Variants in PCDH11X observed in about 807,000 individuals in gnomAD.
PCDH11X encodes protocadherin-11 X-linked.
PCDH11X carries 18 observed loss-of-function variants against 53.3 expected under a neutral mutation model. The ratio of observed to expected loss-of-function variants is 0.34; its 90% CI spans 0.23 to 0.50. PCDH11X has a LOEUF of 0.50. PCDH11X is among the 20% of genes least tolerant of loss of function. PCDH11X has a pLI of 0.98. For missense variants in PCDH11X, 570 were observed against 1,032.4 expected, an observed-to-expected ratio of 0.55 and a Z score of 6.14; for synonymous variants, 279 against 393.3, an observed-to-expected ratio of 0.71 and a Z score of 3.44.
intron 5 of PCDH11X, among the ~76,000 whole-genome samples, chrX:91,876,308 A>G (rs1044491476): frequency 1.5e-4 from 17 of 110,394 alleles, no homozygotes; most frequent in African/African-American, 5.6e-4. Flanking sequence ...ACAAATCACC[A>G]CTAAAGAATT....
At chrX:92,016,518 A>G (rs1249871253) in intron 6 of PCDH11X, among the ~76,000 whole-genome samples, 1 of 111,178 alleles carries the variant, frequency 9.0e-6, no homozygotes, top group Non-Finnish European at 1.9e-5. Flanking sequence ...CTTTATAAGC[A>G]CCTGCTGCAC....
chrX:92,222,930 A>G (rs953148471), intron 7 of PCDH11X, among the ~76,000 whole-genome samples: 2 of 112,187 alleles, frequency 1.8e-5, no homozygotes, highest in Non-Finnish European at 3.8e-5. Flanking sequence ...TTTCATGCCT[A>G]TCCATGTTTT....
chrX:92,376,955 A>G (rs1275619704), intron 8 of PCDH11X, among the ~76,000 whole-genome samples: 2 of 111,735 alleles, frequency 1.8e-5, no homozygotes, highest in Non-Finnish European at 3.8e-5. Flanking sequence ...TTTTAAAAAC[A>G]GATAATTTTC....
intron 6 of PCDH11X, among the ~76,000 whole-genome samples, chrX:92,175,807 G>T (rs866303363): frequency 1.7e-5 from 1 of 57,883 alleles, no homozygotes; most frequent in Non-Finnish European, 3.7e-5. Flanking sequence ...CACACACAGA[G>T]AGAGAGAGAG....
At chrX:92,141,278 ATGTTATTTACCTAAG>A (rs2065174762) in intron 6 of PCDH11X, among the ~76,000 whole-genome samples, 1 of 111,580 alleles carries the variant, frequency 9.0e-6, no homozygotes, top group African/African-American at 3.2e-5. Flanking sequence ...TTCATTGTTT[ATGTTATTTACCTAAG>A]TGTTAACATT....
intron 8 of PCDH11X, among the ~76,000 whole-genome samples, chrX:92,299,777 T>C (rs1435548247): frequency 9.0e-6 from 1 of 111,218 alleles, no homozygotes; most frequent in Non-Finnish European, 1.9e-5. Context: ...TTCATTAATG[T>C]TTTTTATGGT....
intron 7 of PCDH11X, among the ~76,000 whole-genome samples, chrX:92,238,555 A>G (rs2067210296): frequency 9.0e-6 from 1 of 111,267 alleles, no homozygotes; most frequent in African/African-American, 3.3e-5. Context: ...TAATATAGGT[A>G]ACACAAGGTC....
chrX:92,235,421 G>A (rs940938115), intron 7 of PCDH11X, among the ~76,000 whole-genome samples: 4 of 111,153 alleles, frequency 3.6e-5, no homozygotes, highest in Admixed American at 1.9e-4. Flanking sequence ...TAAAGGTGGT[G>A]TAGTATAAAT....
At chrX:92,096,438 ATGTG>A (rs10591250) in intron 6 of PCDH11X, among the ~76,000 whole-genome samples, 1,412 of 93,905 alleles carry the variant, frequency 0.015, 10 homozygotes, top group Middle Eastern at 0.022. Flanking sequence ...GTGTATGTGT[ATGTG>A]TGTGTGTGTG....
chrX:92,575,417 T>C (rs1171725583), intron 10 of PCDH11X, among the ~76,000 whole-genome samples: 1 of 110,253 alleles, frequency 9.1e-6, no homozygotes, highest in African/African-American at 3.3e-5. Context: ...TTAATAATTT[T>C]TATATGGTGA....
rs182380845 is a variant in PCDH11X at position 91,886,329 on chromosome X, A to G, written c.3033+7056A>G. Among the ~76,000 whole-genome samples, 718 of 111,384 alleles carry G rather than the reference A, an allele frequency of 6.4e-3. 6 individuals are homozygous for G. The highest frequency in any genetic ancestry group is 0.022 in the African/African-American group (682 of 30,603). ...TAGCAAATCTTAAAACTAGTAAATA[A>G]AAGGAACTTGTAGTGAACTTTGTCC... is the stretch of plus-strand genomic sequence containing the variant. On this transcript the variant is annotated intron_variant, in intron 6 of 10. Coordinates refer to ENST00000682573, the MANE Select transcript of PCDH11X (RefSeq NM_032968.5).
At chrX:92,117,008 G>A (rs1024150865) in intron 6 of PCDH11X, among the ~76,000 whole-genome samples, 6 of 109,106 alleles carry the variant, frequency 5.5e-5, no homozygotes, top group South Asian at 8.0e-4. Context: ...TTTTTGGGAA[G>A]GCCTCTTTTG....
chrX:92,201,484 C>T, intron 7 of PCDH11X, 29 bp downstream of exon 7: 1 of 961,915 alleles, frequency 1.0e-6, no homozygotes, highest in Non-Finnish European at 1.4e-6. Flanking sequence ...GATTTTTCCT[C>T]CCCCTTCCTT....
In PCDH11X at chrX:92,387,744, C is replaced by T. The variant is rs763102221; in HGVS notation, c.3154C>T (p.Arg1052Cys). ...EGKVAGKSQRRVTFHLPEGSQ... is the reference protein window; with the variant it reads ...EGKVAGKSQRCVTFHLPEGSQ... ...TCATTCTCCCTTTCAGTCCCAGCGG[C>T]GTGTCACATTTCACCTGCCAGAAGG... The change falls in exon 9 of 11, where the codon CGT becomes TGT. Residue 1052 changes from arginine to cysteine, a missense_variant. This residue lies in a region of PCDH11X where 234 missense variants were observed against 296.1 expected (regional missense o/e 0.79). Coordinates refer to ENST00000682573, the MANE Select transcript of PCDH11X (RefSeq NM_032968.5). 14 of 1,210,301 alleles carry T rather than the reference C, an allele frequency of 1.2e-5. No homozygotes were observed. Among genetic ancestry groups the T allele is most frequent in the Middle Eastern group, 2.3e-4 (1 of 4,364 alleles).
At chrX:92,266,085 G>T (rs2067824208) in intron 8 of PCDH11X, among the ~76,000 whole-genome samples, 1 of 110,819 alleles carries the variant, frequency 9.0e-6, no homozygotes, top group Non-Finnish European at 1.9e-5. Flanking sequence ...TTTATTTTTG[G>T]TTCATTGCAT....
chrX:92,182,359 G>A (rs1433794868), intron 6 of PCDH11X, among the ~76,000 whole-genome samples: 1 of 112,078 alleles, frequency 8.9e-6, no homozygotes, highest in Non-Finnish European at 1.9e-5. Context: ...AAGCTCATAG[G>A]TGGAAGGGAC....
At chrX:92,066,018 T>A (rs1299997180) in intron 6 of PCDH11X, among the ~76,000 whole-genome samples, 2 of 110,396 alleles carry the variant, frequency 1.8e-5, no homozygotes, top group Non-Finnish European at 3.8e-5. Flanking sequence ...TGATTTTGAT[T>A]TGATATTTTT....
At chrX:92,506,216 CTTTTTTTT>C (rs1180678297) in intron 10 of PCDH11X, among the ~76,000 whole-genome samples, 1 of 40,207 alleles carries the variant, frequency 2.5e-5, no homozygotes, top group Non-Finnish European at 4.1e-5. Flanking sequence ...CTTTTCTTTT[CTTTTTTTT>C]TTTTTTTTTT....
intron 10 of PCDH11X, among the ~76,000 whole-genome samples, chrX:92,501,577 C>T (rs1490330778): frequency 1.2e-4 from 13 of 111,685 alleles, no homozygotes; most frequent in African/African-American, 3.6e-4. Flanking sequence ...GCTCAACATA[C>T]GCGAATCAAT....
Sources: gnomAD v4.1 joint callset for allele counts (sites outside exome capture counted in the v4.1 genomes callset) on GRCh38, gnomAD v4.1.1 for gene constraint, gnomAD v4.1.1 regional missense constraint, MANE v1.5 for transcripts, NCBI Gene and HGNC (gene_info 2026-07-23, HGNC 2026-07-21) for gene names.